ATG4C: variants seen among roughly 807,000 people sequenced by gnomAD.
ATG4C encodes autophagy related 4C cysteine peptidase, also known as cysteine protease ATG4C.
Under a neutral mutation model 57.6 loss-of-function variants are expected in ATG4C, and 56 were observed. That is an observed-to-expected ratio of 0.97 (90% CI 0.78 to 1.21). The LOEUF is 1.21. Among genes scored for constraint, ATG4C ranks in the 50% most tolerant of loss-of-function variants. The pLI is 0.00. For missense variants in ATG4C, 595 were observed against 529.8 expected (o/e 1.12, Z -1.21); for synonymous variants, 157 against 174.1 (o/e 0.90, Z 0.78).
intron 9 of ATG4C, among the ~76,000 whole-genome samples, chr1:62,839,825 T>A (rs761088682): frequency 3.3e-5 from 5 of 152,220 alleles, no homozygotes; most frequent in African/African-American, 4.8e-5. Context: ...GCAGAAGTCA[T>A]AGTTTTGAAA....
intron 2 of ATG4C, 59 bp downstream of exon 2, chr1:62,803,921 A>T: frequency 9.4e-7 from 1 of 1,059,256 alleles, no homozygotes; most frequent in Non-Finnish European, 1.4e-6. Context: ...AATATTTATC[A>T]TTTCCCCTCT....
chr1:62,862,249 C>CT (rs1301178520), intron 10 of ATG4C, among the ~76,000 whole-genome samples: 2 of 151,194 alleles, frequency 1.3e-5, no homozygotes, highest in Non-Finnish European at 1.5e-5. Flanking sequence ...TCCTTTCTGA[C>CT]TTTTTTTTTC....
intron 1 of ATG4C, among the ~76,000 whole-genome samples, chr1:62,793,714 C>T (rs980952490): frequency 5.9e-5 from 9 of 151,734 alleles, no homozygotes; most frequent in African/African-American, 2.2e-4. Context: ...CTCTTTCAGT[C>T]CTGAGATTCT....
At chr1:62,805,851 G>GTAT (rs1299892766) in intron 3 of ATG4C, among the ~76,000 whole-genome samples, 1 of 152,086 alleles carries the variant, frequency 6.6e-6, no homozygotes, top group Non-Finnish European at 1.5e-5. Flanking sequence ...AGTCACATGG[G>GTAT]TATTAAATGG....
intron 9 of ATG4C, among the ~76,000 whole-genome samples, chr1:62,838,835 C>G (rs1026538223): frequency 6.6e-5 from 10 of 151,710 alleles, no homozygotes; most frequent in African/African-American, 2.2e-4. Context: ...TGTATGAGTC[C>G]TAGTGCTCAT....
chr1:62,831,628 C>CT (rs5774617), intron 7 of ATG4C, among the ~76,000 whole-genome samples: 37,453 of 151,152 alleles, frequency 0.25, 4,945 homozygotes, highest in Non-Finnish European at 0.3. Context: ...CAAATTAGGA[C>CT]TTTTTTTTTG....
intron 1 of ATG4C, among the ~76,000 whole-genome samples, chr1:62,793,181 C>T (rs1374986442): frequency 1.3e-5 from 2 of 151,852 alleles, no homozygotes; most frequent in Admixed American, 6.6e-5. Flanking sequence ...CCACCGCGCC[C>T]GGCCATGATT....
At chr1:62,796,256 G>C (rs1461941178) in intron 1 of ATG4C, among the ~76,000 whole-genome samples, 1 of 98,128 alleles carries the variant, frequency 1.0e-5, no homozygotes. Context: ...TAAAGGTACT[G>C]TTTGTCTTGC....
intron 1 of ATG4C, among the ~76,000 whole-genome samples, chr1:62,791,378 T>C (rs1485393936): frequency 6.6e-6 from 1 of 152,210 alleles, no homozygotes; most frequent in East Asian, 1.9e-4. Flanking sequence ...GTAACTAATA[T>C]AATGGGTCTT....
rs71045856 is a variant in ATG4C at position 62,825,234 on chromosome 1, T to TA, written c.797-3786dup. Among the ~76,000 whole-genome samples the TA allele has an allele frequency of 4.6e-3, 584 of 127,000 alleles. 6 individuals are homozygous for TA. Among genetic ancestry groups the TA allele is most frequent in the African/African-American group, 0.015 (490 of 33,136 alleles). 83.3% of individuals were successfully genotyped at this position (127,000 alleles called of 152,430 possible). A position where few individuals can be genotyped will look rare whatever the true frequency, so the allele number is the denominator to read the frequency against. On this transcript the variant is annotated intron_variant, in intron 6 of 10. Coordinates refer to ENST00000317868, the MANE Select transcript of ATG4C (RefSeq NM_032852.4). Reference sequence around the variant, plus strand: ...CTGGGTGACAGAGGGAGACTCCGTCTAAAAAAAAAAAAAAAAAAAAGCATG... The same window carrying TA: ...CTGGGTGACAGAGGGAGACTCCGTCTAAAAAAAAAAAAAAAAAAAAAGCATG...
chr1:62,811,268 G>A (rs1350582147), intron 3 of ATG4C, among the ~76,000 whole-genome samples: 1 of 152,162 alleles, frequency 6.6e-6, no homozygotes, highest in Non-Finnish European at 1.5e-5. Flanking sequence ...AGTAATATTA[G>A]AACATGGTTG....
chr1:62,844,474 A>T (rs984250974), intron 10 of ATG4C, among the ~76,000 whole-genome samples: 1 of 152,180 alleles, frequency 6.6e-6, no homozygotes, highest in Non-Finnish European at 1.5e-5. Flanking sequence ...TGTTATAGGA[A>T]ATACTGAAGG....
chr1:62,805,013 C>G (rs1231161735), intron 2 of ATG4C, among the ~76,000 whole-genome samples, 159 bp from the exon 3 acceptor site: 1 of 152,036 alleles, frequency 6.6e-6, no homozygotes, highest in Non-Finnish European at 1.5e-5. Context: ...ATTTCCAGTT[C>G]ATTGTTCAAA....
intron 10 of ATG4C, among the ~76,000 whole-genome samples, chr1:62,844,470 A>G (rs1666270445): frequency 6.6e-6 from 1 of 152,224 alleles, no homozygotes; most frequent in Non-Finnish European, 1.5e-5. Flanking sequence ...ACACTGTTAT[A>G]GGAAATACTG....
intron 10 of ATG4C, among the ~76,000 whole-genome samples, chr1:62,849,188 T>A (rs1401970243): frequency 6.6e-6 from 1 of 152,312 alleles, no homozygotes; most frequent in East Asian, 1.9e-4. Flanking sequence ...GTCTTCAACA[T>A]ACCCAGTTGA....
At chr1:62,801,958 C>CAAAAAAAA (rs60298362) in intron 1 of ATG4C, among the ~76,000 whole-genome samples, 830 of 51,786 alleles carry the variant, frequency 0.016, no homozygotes, top group Non-Finnish European at 0.022. Flanking sequence ...ACTCTGTCTC[C>CAAAAAAAA]AAAAAAAAAA....
chr1:62,852,157 C>T (rs941528976), intron 10 of ATG4C, among the ~76,000 whole-genome samples: 4 of 152,174 alleles, frequency 2.6e-5, no homozygotes, highest in African/African-American at 9.7e-5. Context: ...TCTGGAGGCT[C>T]AGGACGCAAG....
In ATG4C at chr1:62,865,422, G is replaced by A. The variant is rs1036065193; in HGVS notation, c.*1263G>A. 3 of 151,728 alleles carry A rather than the reference G, an allele frequency of 2.0e-5. No individual in the cohort carries two copies. The highest frequency in any genetic ancestry group is 2.4e-5 in the African/African-American group (1 of 41,368). 9.4% of individuals were successfully genotyped at this position (151,728 alleles called of 1,614,324 possible). ...TGTAAAGCTGAAAGAGAGGGTGGGCGGATTGTTTTAGTATACCTGATGAGA... is the reference window on the plus strand; with the variant it reads ...TGTAAAGCTGAAAGAGAGGGTGGGCAGATTGTTTTAGTATACCTGATGAGA... On this transcript the variant is annotated 3_prime_UTR_variant, in exon 11 of 11. Coordinates refer to ENST00000317868, the MANE Select transcript of ATG4C (RefSeq NM_032852.4).
chr1:62,793,186 A>G (rs951020692), intron 1 of ATG4C, among the ~76,000 whole-genome samples: 2 of 150,664 alleles, frequency 1.3e-5, no homozygotes, highest in Non-Finnish European at 3.0e-5. Context: ...GCGCCCGGCC[A>G]TGATTTTTTA....
Sources: gnomAD v4.1 joint callset for allele counts (sites outside exome capture counted in the v4.1 genomes callset) on GRCh38, gnomAD v4.1.1 for gene constraint, MANE v1.5 for transcripts, NCBI Gene and HGNC (gene_info 2026-07-23, HGNC 2026-07-21) for gene names.